NR3C1: variants seen among roughly 807,000 people sequenced by gnomAD.
NR3C1 encodes the protein nuclear receptor subfamily 3 group C member 1.
Under a neutral mutation model 74.0 loss-of-function variants are expected in NR3C1, and 14 were observed. The observed-to-expected ratio is 0.19, with a 90% CI of 0.12 to 0.30. The LOEUF (loss-of-function observed/expected upper bound fraction) is 0.30. NR3C1 is among the 10% of genes least tolerant of loss of function. The probability of loss-of-function intolerance (pLI) is 1.00; values close to 1 mark genes in which losing one functional copy is unlikely to be tolerated. For missense variants in NR3C1, 695 were observed against 909.8 expected (o/e 0.76, Z 3.04); for synonymous variants, 308 against 332.5 (o/e 0.93, Z 0.80).
chr5:143,392,303 A>C (rs1600531492), intron 2 of NR3C1, among the ~76,000 whole-genome samples: 1 of 152,334 alleles, frequency 6.6e-6, no homozygotes, highest in East Asian at 1.9e-4. Flanking sequence ...TACATGCACA[A>C]ATCCTGTCAG....
At chr5:143,397,872 A>G (rs1839516359) in intron 2 of NR3C1, among the ~76,000 whole-genome samples, 1 of 151,924 alleles carries the variant, frequency 6.6e-6, no homozygotes, top group Admixed American at 6.6e-5. Context: ...TCTATATCCC[A>G]GATTTTATAG....
chr5:143,314,449 GATTT>G (rs1401488257), intron 2 of NR3C1, among the ~76,000 whole-genome samples: 2 of 147,804 alleles, frequency 1.4e-5, no homozygotes, highest in Non-Finnish European at 3.0e-5. Context: ...AGATGCTTAG[GATTT>G]ATTTTTATAA....
chr5:143,374,202 TGA>T (rs1437294719), intron 2 of NR3C1, among the ~76,000 whole-genome samples: 1 of 152,076 alleles, frequency 6.6e-6, no homozygotes, highest in Non-Finnish European at 1.5e-5. Context: ...AAAAACATAG[TGA>T]GTAAAGGGCC....
At chr5:143,430,247 T>A (rs1751746665) in intron 1 of NR3C1, among the ~76,000 whole-genome samples, 1 of 152,188 alleles carries the variant, frequency 6.6e-6, no homozygotes, top group Non-Finnish European at 1.5e-5. Context: ...AATATCTTTA[T>A]GAATTTCATG....
intron 2 of NR3C1, among the ~76,000 whole-genome samples, chr5:143,326,108 T>C (rs1003948939): frequency 6.6e-6 from 1 of 152,192 alleles, no homozygotes; most frequent in Non-Finnish European, 1.5e-5. Context: ...AATACAAAAA[T>C]TGGGCCTTTT....
At chr5:143,432,654 G>A (rs562740270) in intron 1 of NR3C1, among the ~76,000 whole-genome samples, 7 of 152,306 alleles carry the variant, frequency 4.6e-5, no homozygotes, top group Non-Finnish European at 7.4e-5. Context: ...CTATTAAAGC[G>A]TACGGTTCCC....
chr5:143,306,452 A>G (rs964436929), intron 4 of NR3C1, among the ~76,000 whole-genome samples: 1 of 152,244 alleles, frequency 6.6e-6, no homozygotes, highest in Non-Finnish European at 1.5e-5. Context: ...CAGGCCAAAT[A>G]AAGATTTTAT....
At chr5:143,306,028 T>C (rs1434952689) in intron 4 of NR3C1, among the ~76,000 whole-genome samples, 1 of 152,178 alleles carries the variant, frequency 6.6e-6, no homozygotes, top group African/African-American at 2.4e-5. Context: ...AAGCCATACT[T>C]TGGATTGATT....
chr5:143,291,799 C>T (rs531853939), intron 7 of NR3C1, among the ~76,000 whole-genome samples: 1 of 152,278 alleles, frequency 6.6e-6, no homozygotes, highest in South Asian at 2.1e-4. Flanking sequence ...TTACAGCATT[C>T]CTTAGCATTT....
At chr5:143,431,845 C>T (rs960535578) in intron 1 of NR3C1, among the ~76,000 whole-genome samples, 4 of 152,138 alleles carry the variant, frequency 2.6e-5, no homozygotes, top group African/African-American at 7.2e-5. Context: ...GGTAGTAACA[C>T]TATGGTTTAA....
At chr5:143,293,432 G>C (rs764081719) in intron 7 of NR3C1, among the ~76,000 whole-genome samples, 2 of 152,090 alleles carry the variant, frequency 1.3e-5, no homozygotes, top group Non-Finnish European at 2.9e-5. Flanking sequence ...TACACTGCTC[G>C]GGTGATGGGT....
upstream of NR3C1, chr5:143,403,816 C>G: frequency 1.0e-6 from 1 of 969,496 alleles, no homozygotes; most frequent in Non-Finnish European, 1.2e-6. Context: ...TGCAGGGGCG[C>G]CCGCGGTCCC....
chr5:143,433,837 G>T (rs1751990206), intron 1 of NR3C1: 1 of 152,230 alleles, frequency 6.6e-6, no homozygotes, highest in South Asian at 2.1e-4. Flanking sequence ...CCTAAGGCAG[G>T]TCAGGGCGGT....
At chr5:143,306,874 A>ATTTTTTTTTTTTTTTT (rs70991802) in intron 4 of NR3C1, among the ~76,000 whole-genome samples, 1 of 82,904 alleles carries the variant, frequency 1.2e-5, no homozygotes, top group African/African-American at 5.1e-5. Flanking sequence ...GTATGCTTAA[A>ATTTTTTTTTTTTTTTT]TTTTTTTTTT....
chr5:143,336,750 T>C (rs1338976417), intron 2 of NR3C1, among the ~76,000 whole-genome samples: 3 of 151,906 alleles, frequency 2.0e-5, no homozygotes, highest in Non-Finnish European at 2.9e-5. Flanking sequence ...AGCAGGCAGA[T>C]CACTTGACGT....
At chr5:143,413,862 C>G (rs1271467510) in intron 1 of NR3C1, among the ~76,000 whole-genome samples, 1 of 151,858 alleles carries the variant, frequency 6.6e-6, no homozygotes, top group Non-Finnish European at 1.5e-5. Context: ...AGGTGCTTCT[C>G]CAAATAATTG....
upstream of NR3C1, chr5:143,404,709 G>C (rs1345937976): frequency 2.4e-4 from 46 of 190,766 alleles, no homozygotes; most frequent in Non-Finnish European, 6.8e-5. Context: ...AGGAAAGCAG[G>C]GGGCGGCAGG....
At chr5:143,399,159 G>A (rs953026697) in intron 2 of NR3C1, among the ~76,000 whole-genome samples, 1 of 152,108 alleles carries the variant, frequency 6.6e-6, no homozygotes, top group Non-Finnish European at 1.5e-5. Flanking sequence ...TGAAGAATAG[G>A]GCTCTTTGTT....
chr5:143,406,057 T>C (rs1487109461), upstream of NR3C1, among the ~76,000 whole-genome samples: 1 of 152,054 alleles, frequency 6.6e-6, no homozygotes, highest in Non-Finnish European at 1.5e-5. Flanking sequence ...ATTATCCTTG[T>C]ACACTGCTTA....
Sources: allele counts gnomAD v4.1 joint callset (sites outside exome capture counted in the v4.1 genomes callset), GRCh38; gene constraint gnomAD v4.1.1; transcripts MANE v1.5; gene names NCBI Gene and HGNC (gene_info 2026-07-23, HGNC 2026-07-21).